The following NCAPD3 variants were observed in gnomAD, a reference collection of about 807,000 sequenced individuals.
NCAPD3 encodes the protein condensin-2 complex subunit D3.
In NCAPD3, 105 loss-of-function variants were observed where a neutral mutation model predicts 182.9. The ratio of observed to expected loss-of-function variants is 0.57; its 90% CI spans 0.49 to 0.68. The LOEUF is 0.68. Among genes scored for constraint, NCAPD3 ranks in the 30% least tolerant of loss-of-function variants. The pLI, the probability that NCAPD3 is intolerant of heterozygous loss-of-function variation, is 0.00. For synonymous variants in NCAPD3, 815 were observed against 679.9 expected, an observed-to-expected ratio of 1.20 and a Z score of -3.09; for missense variants, 1,944 against 1,837.0, an observed-to-expected ratio of 1.06 and a Z score of -1.07.
rs1475535409 is a variant in NCAPD3, at chr11:134,158,498, G to A, written c.3868-3C>T. 6.2e-7 allele frequency: 1 copy of A among 1,612,506 alleles called. No homozygotes were observed. Among genetic ancestry groups the A allele is most frequent in the South Asian group, 1.1e-5 (1 of 91,056 alleles). On this transcript the variant is annotated splice_polypyrimidine_tract_variant and splice_region_variant and intron_variant, in intron 29 of 34. Coordinates refer to ENST00000534548, the MANE Select transcript of NCAPD3 (RefSeq NM_015261.3). Reference sequence around the variant, plus strand: ...ACTGTTTCTAAACACAGGGCAACCTGGTAGAGAAGATAAAGAGTATGTACA... The same window carrying A: ...ACTGTTTCTAAACACAGGGCAACCTAGTAGAGAAGATAAAGAGTATGTACA...
At chr11:134,163,021 C>T (rs926296691) in intron 27 of NCAPD3, among the ~76,000 whole-genome samples, 26 of 151,876 alleles carry the variant, frequency 1.7e-4, no homozygotes, top group African/African-American at 5.6e-4. Context: ...CAAGAGCACA[C>T]GAGTAGGGGG....
chr11:134,153,692 C>T (rs919841690), intron 32 of NCAPD3: 9 of 387,724 alleles, frequency 2.3e-5, no homozygotes, highest in African/African-American at 1.0e-4. Flanking sequence ...CTTACTACAC[C>T]TCCTACTGTG....
At chr11:134,153,242 C>T (rs769076990) in intron 33 of NCAPD3, 42 bp from the exon 34 acceptor site, 2 of 1,613,862 alleles carry the variant, frequency 1.2e-6, no homozygotes, top group Admixed American at 3.3e-5. Context: ...TTCCCAGAAC[C>T]TCAAAGGCAG....
chr11:134,187,393 C>T (rs1944432262), intron 16 of NCAPD3, among the ~76,000 whole-genome samples: 2 of 152,182 alleles, frequency 1.3e-5, no homozygotes, highest in East Asian at 3.8e-4. Flanking sequence ...CAAGAGCTCC[C>T]AACTGAGGTG....
At position 134,220,801 on chromosome 11, in the gene NCAPD3, G is replaced by A. The variant is rs1938200787; in HGVS notation, c.65-75C>T. ...AACTAGTCACCTTTAGATTCCAGGTGTGTTCAAGAGGAGAAAAGTTTACTA... is the reference window on the plus strand; with the variant it reads ...AACTAGTCACCTTTAGATTCCAGGTATGTTCAAGAGGAGAAAAGTTTACTA... On this transcript the variant is annotated intron_variant, in intron 1 of 34. Transcript: ENST00000534548. The A allele has an allele frequency of 3.5e-6, 5 of 1,429,294 alleles. 1 individual carries two copies. The South Asian group carries it at 5.4e-5, about 15-fold the overall frequency. 88.5% of individuals were successfully genotyped at this position (1,429,294 alleles called of 1,614,324 possible). A position where few individuals can be genotyped will look rare whatever the true frequency, so the allele number is the denominator to read the frequency against.
At chr11:134,171,900 C>T (rs990774261) in intron 24 of NCAPD3, among the ~76,000 whole-genome samples, 2 of 152,176 alleles carry the variant, frequency 1.3e-5, no homozygotes, top group African/African-American at 4.8e-5. Flanking sequence ...GAGCACATTT[C>T]CCGGACCCCC....
intron 2 of NCAPD3, among the ~76,000 whole-genome samples, chr11:134,219,957 G>A (rs1387749429): frequency 6.6e-6 from 1 of 151,818 alleles, no homozygotes; most frequent in Non-Finnish European, 1.5e-5. Context: ...CACCACAACC[G>A]GCTAATTTTT....
chr11:134,222,687 G>C (rs1340495430), intron 1 of NCAPD3, among the ~76,000 whole-genome samples: 1 of 152,228 alleles, frequency 6.6e-6, no homozygotes, highest in Admixed American at 6.5e-5. Flanking sequence ...ACTGGGGGAG[G>C]AGGGAGAGGA....
chr11:134,163,886 A>G lies in NCAPD3; in HGVS notation c.3574-1995T>C, dbSNP rs983726008. On this transcript the variant is annotated intron_variant, in intron 27 of 34. Coordinates refer to ENST00000534548, the MANE Select transcript of NCAPD3 (RefSeq NM_015261.3). The stretch of plus-strand genomic sequence containing the variant: ...GATTCTGTCTCAAAAAAAAAAAAAA[A>G]AAAAAAGAAAAAGAAAGAAAGACTG... Among the ~76,000 whole-genome samples the G allele has an allele frequency of 1.8e-4, 26 of 148,472 alleles. No homozygotes were observed. The Middle Eastern group carries it at 0.01, about 59-fold the overall frequency.
intron 24 of NCAPD3, among the ~76,000 whole-genome samples, chr11:134,172,134 C>G (rs79792276): frequency 1.3e-5 from 2 of 152,126 alleles, no homozygotes; most frequent in Admixed American, 6.5e-5. Flanking sequence ...GCTGTTAAGA[C>G]GCCTCCACCT....
intron 28 of NCAPD3, among the ~76,000 whole-genome samples, chr11:134,160,686 A>C (rs1943552485): frequency 6.6e-6 from 1 of 152,194 alleles, no homozygotes; most frequent in Non-Finnish European, 1.5e-5. Flanking sequence ...TTGCTAAGAG[A>C]AAGAATCATT....
chr11:134,153,253 T>C (rs1413531108), intron 33 of NCAPD3, 36 bp downstream of exon 33: 1 of 1,613,786 alleles, frequency 6.2e-7, no homozygotes, highest in East Asian at 2.2e-5. Flanking sequence ...TCAAAGGCAG[T>C]GCATCTATCA....
Position 134,177,184 on chromosome 11 carries a change from G to A in NCAPD3, c.3021+35C>T, listed in dbSNP as rs372006094. The A allele has an allele frequency of 6.1e-6, 9 of 1,483,332 alleles. No homozygotes were observed. In the African/African-American group the frequency reaches 1.1e-4, roughly 18 times the overall value. 91.9% of individuals were successfully genotyped at this position (1,483,332 alleles called of 1,614,324 possible). A position where few individuals can be genotyped will look rare whatever the true frequency, so the allele number is the denominator to read the frequency against. ...ATTCCCTTAAACCAGAAGCAATGGT[G>A]AAGGGGAAAGGACAGATTGAACCCC... On this transcript the variant is annotated intron_variant, in intron 23 of 34. Coordinates refer to ENST00000534548, the MANE Select transcript of NCAPD3 (RefSeq NM_015261.3).
At chr11:134,175,057 G>C (rs1252847950) in intron 24 of NCAPD3, among the ~76,000 whole-genome samples, 1 of 152,118 alleles carries the variant, frequency 6.6e-6, no homozygotes, top group Admixed American at 6.5e-5. Flanking sequence ...AAGAGGCCCT[G>C]GTAATCTTAC....
intron 13 of NCAPD3, among the ~76,000 whole-genome samples, chr11:134,201,197 G>A (rs1944740711): frequency 6.6e-6 from 1 of 152,024 alleles, no homozygotes; most frequent in African/African-American, 2.4e-5. Context: ...CTAATTTTTT[G>A]TATTTTAGTA....
At chr11:134,175,872 C>A (rs1944148366) in intron 24 of NCAPD3, among the ~76,000 whole-genome samples, 1 of 152,094 alleles carries the variant, frequency 6.6e-6, no homozygotes, top group Admixed American at 6.5e-5. Context: ...CCACATTGTG[C>A]AATTTCATCT....
At chr11:134,207,311 C>T (rs1007225344) in intron 7 of NCAPD3, among the ~76,000 whole-genome samples, 1 of 151,818 alleles carries the variant, frequency 6.6e-6, no homozygotes, top group Non-Finnish European at 1.5e-5. Flanking sequence ...TACAACAATT[C>T]CATAATGTAA....
chr11:134,210,231 G>A, intron 4 of NCAPD3, 39 bp downstream of exon 4: 4 of 1,531,566 alleles, frequency 2.6e-6, no homozygotes, highest in Non-Finnish European at 3.6e-6. Flanking sequence ...AGCAAATCGT[G>A]TGTTGGTATA....
intron 23 of NCAPD3, among the ~76,000 whole-genome samples, chr11:134,176,843 C>T (rs927588478): frequency 6.6e-6 from 1 of 152,186 alleles, no homozygotes; most frequent in African/African-American, 2.4e-5. Flanking sequence ...AGCGCGAACA[C>T]CATGATCCCC....
Sources: allele counts gnomAD v4.1 joint callset (sites outside exome capture counted in the v4.1 genomes callset), GRCh38; gene constraint gnomAD v4.1.1; transcripts MANE v1.5; gene names NCBI Gene and HGNC (gene_info 2026-07-23, HGNC 2026-07-21).